The following SLC11A2 variants were observed in gnomAD, a reference collection of about 807,000 sequenced individuals.
SLC11A2 encodes solute carrier family 11 member 2.
Under a neutral mutation model 68.0 loss-of-function variants are expected in SLC11A2, and 38 were observed. The observed-to-expected ratio is 0.56, with a 90% CI of 0.43 to 0.73. The LOEUF (loss-of-function observed/expected upper bound fraction) is 0.73. SLC11A2 is among the 30% of genes least tolerant of loss of function. The pLI is 0.00. For missense variants in SLC11A2, 517 were observed against 690.5 expected (o/e 0.75, Z 2.82); for synonymous variants, 242 against 250.6 (o/e 0.97, Z 0.32).
the SLC11A2 span, chr12:50,960,934 C>G: frequency 2.6e-6 from 4 of 1,530,190 alleles, no homozygotes; most frequent in African/African-American, 2.8e-5. Context: ...CCTGCCTCAG[C>G]CTTCCAAATA....
downstream of SLC11A2, among the ~76,000 whole-genome samples, chr12:50,975,901 A>G (rs1939841935): frequency 6.6e-6 from 1 of 152,196 alleles, no homozygotes. Context: ...GAAGAAATGG[A>G]TAAATTCCTT....
chr12:51,017,623 G>A (rs1943751427), intron 1 of SLC11A2, among the ~76,000 whole-genome samples: 1 of 152,148 alleles, frequency 6.6e-6, no homozygotes, highest in Non-Finnish European at 1.5e-5. Context: ...TATAAAAAAT[G>A]TCAAGGTCAT....
the SLC11A2 span, among the ~76,000 whole-genome samples, chr12:50,962,364 T>C: frequency 6.6e-6 from 1 of 151,268 alleles, no homozygotes; most frequent in Non-Finnish European, 1.5e-5. Flanking sequence ...TGAGCCGAGA[T>C]CATGCCTTTG....
At chr12:51,005,206 A>G in intron 4 of SLC11A2, 105 bp downstream of exon 4, 1 of 1,217,406 alleles carries the variant, frequency 8.2e-7, no homozygotes, top group Non-Finnish European at 1.2e-6. Flanking sequence ...CCAATGAAGT[A>G]TCTGCATGTA....
the SLC11A2 span, chr12:50,954,221 G>C: frequency 6.8e-5 from 40 of 585,176 alleles, no homozygotes; most frequent in African/African-American, 7.1e-4. Flanking sequence ...CCTCCTCTAA[G>C]CATGTGTTGA....
intron 5 of SLC11A2, among the ~76,000 whole-genome samples, chr12:51,001,762 T>G (rs1942266294): frequency 6.6e-6 from 1 of 151,264 alleles, no homozygotes. Flanking sequence ...TAAGCCCCAG[T>G]GGTCAAGGCT....
the SLC11A2 span, among the ~76,000 whole-genome samples, chr12:50,954,918 C>T: frequency 6.6e-6 from 1 of 152,106 alleles, no homozygotes; most frequent in African/African-American, 2.4e-5. Context: ...TTTGGCTGCT[C>T]AGTGGCCCTC....
intron 1 of SLC11A2, among the ~76,000 whole-genome samples, chr12:51,023,114 T>C (rs1050649197): frequency 6.6e-6 from 1 of 152,200 alleles, no homozygotes; most frequent in Admixed American, 6.5e-5. Context: ...GGCCAATTAA[T>C]GTAAATTGCT....
downstream of SLC11A2, among the ~76,000 whole-genome samples, chr12:50,985,655 A>G (rs1254068393): frequency 1.3e-5 from 2 of 152,246 alleles, no homozygotes; most frequent in East Asian, 3.8e-4. Context: ...GAAACAGTGA[A>G]ATAAGCTACA....
At chr12:50,992,126 A>G in intron 13 of SLC11A2, 64 bp downstream of exon 13, 1 of 1,533,162 alleles carries the variant, frequency 6.5e-7, no homozygotes, top group Non-Finnish European at 9.0e-7. Context: ...TAGGCTTGGT[A>G]CCCAAGGGCA....
rs551258639 is a variant in SLC11A2, at chr12:50,986,177, G to A, written c.*2148C>T. ...CACAATTATTTCATGTCACATTTAA[G>A]AAGAACAAGAACCAATTTATATAAA... On this transcript the variant is annotated 3_prime_UTR_variant, in exon 16 of 16. Transcript: ENST00000262052. 7.8e-7 allele frequency: 1 copy of A among 1,285,026 alleles called. No individual in the cohort carries two copies. Among genetic ancestry groups the A allele is most frequent in the East Asian group, 5.6e-5 (1 of 18,012 alleles). 79.6% of individuals were successfully genotyped at this position (1,285,026 alleles called of 1,614,324 possible).
intron 8 of SLC11A2, 115 bp downstream of exon 8, chr12:50,999,059 C>A: frequency 1.1e-6 from 1 of 883,648 alleles, no homozygotes; most frequent in Non-Finnish European, 1.8e-6. Context: ...TTTGTTGATA[C>A]ACCCACTATA....
intron 8 of SLC11A2, among the ~76,000 whole-genome samples, chr12:50,997,244 T>C (rs1941784909): frequency 6.6e-6 from 1 of 152,060 alleles, no homozygotes; most frequent in African/African-American, 2.4e-5. Flanking sequence ...GCCAAAATCT[T>C]TTCTTCTGCA....
At chr12:50,955,515 T>C in the SLC11A2 span, among the ~76,000 whole-genome samples, 136 of 152,290 alleles carry the variant, frequency 8.9e-4, 1 homozygote, top group Non-Finnish European at 1.7e-3. Flanking sequence ...ATTAAAATAG[T>C]TTACTTAAAT....
downstream of SLC11A2, among the ~76,000 whole-genome samples, chr12:50,982,818 G>A (rs1940162812): frequency 6.6e-6 from 1 of 151,366 alleles, no homozygotes; most frequent in Admixed American, 6.6e-5. Flanking sequence ...GCGCATGCCT[G>A]TAATCCCAGC....
At chr12:50,956,964 C>T in the SLC11A2 span, among the ~76,000 whole-genome samples, 1 of 151,648 alleles carries the variant, frequency 6.6e-6, no homozygotes, top group Admixed American at 6.6e-5. Context: ...CCTGTTTCCT[C>T]ATATGTCTAC....
chr12:50,976,759 GC>G (rs957632441), downstream of SLC11A2, among the ~76,000 whole-genome samples: 2 of 152,190 alleles, frequency 1.3e-5, no homozygotes, highest in Admixed American at 6.5e-5. Flanking sequence ...CATCGTCTCA[GC>G]CCAGAATCTC....
At chr12:50,969,360 A>G in the SLC11A2 span, among the ~76,000 whole-genome samples, 1 of 152,158 alleles carries the variant, frequency 6.6e-6, no homozygotes, top group East Asian at 1.9e-4. Context: ...ATTTACTTAG[A>G]TAAATCTGGA....
the SLC11A2 span, chr12:50,954,028 T>C: frequency 1.2e-6 from 2 of 1,613,122 alleles, no homozygotes; most frequent in South Asian, 2.2e-5. Context: ...GGTCAGCAGA[T>C]GAGGATGAAG....
Sources: allele counts gnomAD v4.1 joint callset (sites outside exome capture counted in the v4.1 genomes callset), GRCh38; gene constraint gnomAD v4.1.1; transcripts MANE v1.5; gene names NCBI Gene and HGNC (gene_info 2026-07-23, HGNC 2026-07-21).